CADPS: variants seen among roughly 807,000 people sequenced by gnomAD.
CADPS encodes calcium dependent secretion activator.
Under a neutral mutation model 167.3 loss-of-function variants are expected in CADPS, and 57 were observed. That is an observed-to-expected ratio of 0.34 (90% CI 0.28 to 0.42). The LOEUF (loss-of-function observed/expected upper bound fraction) is 0.42. Ranked by LOEUF, CADPS falls within the 20% of genes least tolerant of loss-of-function variation. CADPS has a pLI of 1.00. For synonymous variants in CADPS, 676 were observed against 635.3 expected, an observed-to-expected ratio of 1.06 and a Z score of -0.96; for missense variants, 1,414 against 1,738.1, an observed-to-expected ratio of 0.81 and a Z score of 3.32.
chr3:62,819,909 T>G (rs1405136058), intron 1 of CADPS, among the ~76,000 whole-genome samples: 1 of 152,198 alleles, frequency 6.6e-6, no homozygotes, highest in African/African-American at 2.4e-5. Context: ...CTGATTTTAA[T>G]CTGTATCTCT....
chr3:62,656,992 G>A (rs888048013), intron 4 of CADPS, among the ~76,000 whole-genome samples: 2 of 152,076 alleles, frequency 1.3e-5, no homozygotes, highest in African/African-American at 2.4e-5. Context: ...CACACATTTT[G>A]TTTAACTGTT....
At chr3:62,522,996 T>A (rs766722376) in intron 13 of CADPS, among the ~76,000 whole-genome samples, 2 of 152,098 alleles carry the variant, frequency 1.3e-5, no homozygotes, top group African/African-American at 2.4e-5. Flanking sequence ...ACCTTTCAAG[T>A]TTTCGGCAAA....
At chr3:62,727,055 T>C (rs2076876585) in intron 3 of CADPS, among the ~76,000 whole-genome samples, 1 of 151,922 alleles carries the variant, frequency 6.6e-6, no homozygotes, top group Non-Finnish European at 1.5e-5. Flanking sequence ...GAAAACTTCT[T>C]GGCACTATTT....
At chr3:62,697,296 T>C (rs1248889140) in intron 3 of CADPS, among the ~76,000 whole-genome samples, 1 of 151,968 alleles carries the variant, frequency 6.6e-6, no homozygotes, top group Non-Finnish European at 1.5e-5. Context: ...CCAAAATCCA[T>C]TGTGTAATTC....
rs560097461 is a variant in CADPS at position 62,455,233 on chromosome 3, G to T, written c.3637-9436C>A. 1.3e-4 allele frequency among the ~76,000 whole-genome samples: 20 copies of T among 150,380 alleles called. No homozygotes were observed. Among genetic ancestry groups the T allele is most frequent in the African/African-American group, 4.6e-4 (19 of 40,902 alleles). ...TTTCTGTCCCAATCCCTCATTCCCA[G>T]AGAGGATTTTTCCAAGGCTCAAGGG... On this transcript the variant is annotated intron_variant, in intron 26 of 29. Transcript: ENST00000383710. This position sits in a 1 kb window ranked among gnomAD's most constrained non-coding sequence, Gnocchi z 4.4.
intron 3 of CADPS, among the ~76,000 whole-genome samples, chr3:62,721,901 G>A (rs1163703599): frequency 6.6e-6 from 1 of 152,176 alleles, no homozygotes; most frequent in South Asian, 2.1e-4. Context: ...GATCCTGGTT[G>A]TGAATCCCAG....
Position 62,483,801 on chromosome 3 carries a change from C to T in CADPS, c.3027-1932G>A, listed in dbSNP as rs150722200. Among the ~76,000 whole-genome samples the T allele has an allele frequency of 2.7e-3, 413 of 152,162 alleles. 2 individuals carry two copies. Among genetic ancestry groups the T allele is most frequent in the African/African-American group, 9.4e-3 (391 of 41,506 alleles). On this transcript the variant is annotated intron_variant, in intron 21 of 29. Transcript: ENST00000383710. ...CACTGCCATGTAACAAAACCGTTGG[C>T]GATTTCCACTGAGACATGTGTAAGC...
intron 1 of CADPS, among the ~76,000 whole-genome samples, chr3:62,863,911 A>G (rs902256346): frequency 6.6e-6 from 1 of 152,206 alleles, no homozygotes; most frequent in African/African-American, 2.4e-5. Context: ...CTGGATGAGA[A>G]GAAAAATTGT....
intron 8 of CADPS, among the ~76,000 whole-genome samples, chr3:62,572,728 A>C (rs1228989785): frequency 6.6e-6 from 1 of 152,230 alleles, no homozygotes; most frequent in Non-Finnish European, 1.5e-5. Context: ...AGCACATATT[A>C]AAATACATAA....
chr3:62,670,824 T>A (rs2075382600), intron 3 of CADPS, among the ~76,000 whole-genome samples: 3 of 152,190 alleles, frequency 2.0e-5, no homozygotes. Context: ...GATGTGTCAT[T>A]CAGAATTTGG....
chr3:62,608,272 TG>T (rs781596563), intron 6 of CADPS, among the ~76,000 whole-genome samples: 2 of 151,532 alleles, frequency 1.3e-5, no homozygotes, highest in Non-Finnish European at 2.9e-5. Context: ...GTATGAAAGT[TG>T]TTTGTTGTTG....
chr3:62,726,529 A>C (rs527600), intron 3 of CADPS, among the ~76,000 whole-genome samples: 1 of 151,538 alleles, frequency 6.6e-6, no homozygotes, highest in Admixed American at 6.5e-5. Context: ...GGGGCCATGG[A>C]CTCAGTCCTC....
At chr3:62,418,537 C>G (rs373844533) in intron 28 of CADPS, among the ~76,000 whole-genome samples, 1 of 117,448 alleles carries the variant, frequency 8.5e-6, no homozygotes, top group African/African-American at 3.3e-5. Flanking sequence ...GATGGGATTT[C>G]GCCATATTGC....
At chr3:62,727,912 A>G (rs1402021854) in intron 3 of CADPS, among the ~76,000 whole-genome samples, 1 of 151,880 alleles carries the variant, frequency 6.6e-6, no homozygotes, top group East Asian at 1.9e-4. Context: ...TTCAGGAGCA[A>G]GAGTAGGTTT....
At chr3:62,447,664 C>T (rs751320479) in intron 26 of CADPS, among the ~76,000 whole-genome samples, 4 of 152,134 alleles carry the variant, frequency 2.6e-5, no homozygotes, top group South Asian at 2.1e-4. Flanking sequence ...CAAGGAGCCA[C>T]GTCACTGATC....
chr3:62,733,639 G>A (rs1347536065), intron 3 of CADPS, among the ~76,000 whole-genome samples: 1 of 151,834 alleles, frequency 6.6e-6, no homozygotes, highest in Non-Finnish European at 1.5e-5. Flanking sequence ...CATATTTATT[G>A]TGAAGCATAT....
chr3:62,433,073 T>G lies in CADPS; in HGVS notation c.3777+5031A>C, dbSNP rs529071691. 9.2e-5 allele frequency among the ~76,000 whole-genome samples: 14 copies of G among 152,216 alleles called. No individual in the cohort carries two copies. The highest frequency in any genetic ancestry group is 1.6e-4 in the Non-Finnish European group (11 of 68,034). The stretch of plus-strand genomic sequence containing the variant: ...CAGATATAGCGTCATGTCCTCCTTG[T>G]AGCCTATTATTTGGTACTTTCATCC... On this transcript the variant is annotated intron_variant, in intron 28 of 29. Transcript: ENST00000383710. This position sits in a 1 kb window ranked among gnomAD's most constrained non-coding sequence, Gnocchi z 4.7.
chr3:62,867,993 C>A (rs1327516614), intron 1 of CADPS, among the ~76,000 whole-genome samples: 1 of 152,028 alleles, frequency 6.6e-6, no homozygotes, highest in East Asian at 1.9e-4. Context: ...TACCCTTAAC[C>A]ACTGTCCTTC....
At chr3:62,776,784 G>A (rs2090419638) in intron 1 of CADPS, among the ~76,000 whole-genome samples, 1 of 152,180 alleles carries the variant, frequency 6.6e-6, no homozygotes, top group African/African-American at 2.4e-5. Context: ...GCCCTGAATA[G>A]TATCTAGAAT....
Sources: allele counts gnomAD v4.1 joint callset (sites outside exome capture counted in the v4.1 genomes callset), GRCh38; gene constraint gnomAD v4.1.1; non-coding constraint Gnocchi (gnomAD v3.1); transcripts MANE v1.5; gene names NCBI Gene and HGNC (gene_info 2026-07-23, HGNC 2026-07-21).